The following DLG2 variants were observed in gnomAD, a reference collection of about 807,000 sequenced individuals.
DLG2 encodes discs large MAGUK scaffold protein 2, also known as disks large homolog 2.
A neutral mutation model predicts 132.5 loss-of-function variants in DLG2; 45 were observed. That is an observed-to-expected ratio of 0.34 (90% CI 0.27 to 0.44). The LOEUF (loss-of-function observed/expected upper bound fraction) is 0.44, where lower values mean the gene tolerates loss of function less well. Ranked by LOEUF, DLG2 falls within the 20% of genes least tolerant of loss-of-function variation. The probability of loss-of-function intolerance (pLI) is 1.00; values close to 1 mark genes in which losing one functional copy is unlikely to be tolerated. For missense variants in DLG2, 1,045 were observed against 1,196.9 expected, an observed-to-expected ratio of 0.87 and a Z score of 1.87; for synonymous variants, 424 against 419.6, an observed-to-expected ratio of 1.01 and a Z score of -0.13.
At chr11:83,667,440 C>T (rs932835186) in intron 18 of DLG2, among the ~76,000 whole-genome samples, 1 of 152,086 alleles carries the variant, frequency 6.6e-6, no homozygotes. Flanking sequence ...TTATTTCTGC[C>T]GATCCCAAGG....
At chr11:84,642,321 T>G (rs145387587) in intron 6 of DLG2, among the ~76,000 whole-genome samples, 2 of 151,844 alleles carry the variant, frequency 1.3e-5, no homozygotes, top group Non-Finnish European at 2.9e-5. Context: ...TAAAGCCAAC[T>G]CCTGCAGCTT....
chr11:84,507,557 A>G (rs2099244984), intron 7 of DLG2, among the ~76,000 whole-genome samples: 1 of 152,216 alleles, frequency 6.6e-6, no homozygotes, highest in African/African-American at 2.4e-5. Context: ...CCAATTCACA[A>G]GGGGAATGCT....
chr11:84,440,068 A>G (rs1055389714), intron 7 of DLG2, among the ~76,000 whole-genome samples: 5 of 152,212 alleles, frequency 3.3e-5, no homozygotes. Flanking sequence ...TGTTTGATCA[A>G]TTTGTTTACT....
chr11:83,775,619 C>T (rs1365068804), intron 18 of DLG2, among the ~76,000 whole-genome samples: 1 of 152,162 alleles, frequency 6.6e-6, no homozygotes, highest in African/African-American at 2.4e-5. Flanking sequence ...ATTCTCTCTA[C>T]ATCTTTCTTT....
intron 10 of DLG2, among the ~76,000 whole-genome samples, chr11:84,090,289 C>T (rs2097067431): frequency 6.6e-6 from 1 of 151,736 alleles, no homozygotes; most frequent in African/African-American, 2.4e-5. Flanking sequence ...TAGCAGGCGC[C>T]TGTAATCCCA....
intron 6 of DLG2, among the ~76,000 whole-genome samples, chr11:84,932,154 T>C (rs2048167769): frequency 1.3e-5 from 2 of 152,236 alleles, no homozygotes; most frequent in South Asian, 4.1e-4. Context: ...TTGCTTTTGT[T>C]GCAATTGCTT....
intron 4 of DLG2, among the ~76,000 whole-genome samples, chr11:85,206,337 A>G (rs75026733): frequency 0.015 from 2,339 of 152,290 alleles, 70 homozygotes; most frequent in African/African-American, 0.054. Context: ...ATGCAAGAAC[A>G]GACTAATACA....
chr11:85,304,071 A>C (rs892835620), intron 3 of DLG2, among the ~76,000 whole-genome samples: 9 of 152,192 alleles, frequency 5.9e-5, no homozygotes, highest in Non-Finnish European at 1.3e-4. Context: ...GCTAAAAGTA[A>C]ATAAACAAAG....
At chr11:84,760,122 A>C (rs992154418) in intron 6 of DLG2, among the ~76,000 whole-genome samples, 1 of 152,182 alleles carries the variant, frequency 6.6e-6, no homozygotes, top group African/African-American at 2.4e-5. Flanking sequence ...TGGGCATCTC[A>C]TCAATTTCTT....
chr11:84,939,050 A>G (rs2049075321), intron 6 of DLG2, among the ~76,000 whole-genome samples: 1 of 152,112 alleles, frequency 6.6e-6, no homozygotes, highest in Non-Finnish European at 1.5e-5. Flanking sequence ...ATAAGATAAA[A>G]CAATATGATT....
chr11:83,587,196 A>T (rs961977692), intron 19 of DLG2, among the ~76,000 whole-genome samples: 3 of 152,052 alleles, frequency 2.0e-5, no homozygotes, highest in East Asian at 1.9e-4. Context: ...AGTTTTTTTT[A>T]AATTATCTTT....
At chr11:84,331,458 A>AT (rs1555509072) in intron 7 of DLG2, among the ~76,000 whole-genome samples, 4,761 of 138,984 alleles carry the variant, frequency 0.034, 91 homozygotes, top group South Asian at 0.047. Context: ...AAAAAAAAAA[A>AT]AAATAAATAA....
chr11:84,830,739 A>G (rs2078929992), intron 6 of DLG2, among the ~76,000 whole-genome samples: 1 of 151,622 alleles, frequency 6.6e-6, no homozygotes, highest in Non-Finnish European at 1.5e-5. Context: ...GGTATTAATT[A>G]GTACATATGT....
At chr11:84,266,199 T>C (rs11233970) in intron 7 of DLG2, among the ~76,000 whole-genome samples, 15,267 of 152,262 alleles carry the variant, frequency 0.1, 944 homozygotes, top group African/African-American at 0.17. Context: ...CAGATGTGTA[T>C]GCACAGGCAT....
intron 15 of DLG2, among the ~76,000 whole-genome samples, chr11:83,929,574 T>C (rs995137821): frequency 2.0e-5 from 3 of 152,218 alleles, no homozygotes; most frequent in Admixed American, 2.0e-4. Context: ...GAATAATTTC[T>C]TTACAAAGTT....
intron 7 of DLG2, among the ~76,000 whole-genome samples, chr11:84,503,410 T>A (rs569577973): frequency 6.6e-6 from 1 of 152,184 alleles, no homozygotes; most frequent in South Asian, 2.1e-4. Flanking sequence ...TGAGTGAAGA[T>A]GATTTGAAGC....
chr11:84,665,638 C>A (rs183948576), intron 6 of DLG2, among the ~76,000 whole-genome samples: 2 of 152,104 alleles, frequency 1.3e-5, no homozygotes, highest in Non-Finnish European at 2.9e-5. Context: ...TTCTTGAAGA[C>A]GGTTGCTTCT....
chr11:84,660,206 A>G (rs1395188788), intron 6 of DLG2, among the ~76,000 whole-genome samples: 1 of 152,116 alleles, frequency 6.6e-6, no homozygotes, highest in African/African-American at 2.4e-5. Flanking sequence ...CCAGGCAAAC[A>G]AAGGCATTCC....
At chr11:85,186,062 A>G (rs521517) in intron 4 of DLG2, among the ~76,000 whole-genome samples, 3,547 of 152,090 alleles carry the variant, frequency 0.023, 68 homozygotes, top group Admixed American at 0.054. Flanking sequence ...TTGACATTAA[A>G]CTATGAACTT....
Sources: allele counts gnomAD v4.1 joint callset (sites outside exome capture counted in the v4.1 genomes callset), GRCh38; gene constraint gnomAD v4.1.1; transcripts MANE v1.5; gene names NCBI Gene and HGNC (gene_info 2026-07-23, HGNC 2026-07-21).